The following RUNX1T1 variants were observed in gnomAD, a reference collection of about 807,000 sequenced individuals.
The protein encoded by RUNX1T1 is RUNX1 partner transcriptional co-repressor 1.
Under a neutral mutation model 62.8 loss-of-function variants are expected in RUNX1T1, and 4 were observed. That is an observed-to-expected ratio of 0.06 (90% confidence interval 0.03 to 0.15). The LOEUF is 0.15. Among genes scored for constraint, RUNX1T1 ranks in the 10% least tolerant of loss-of-function variants. RUNX1T1 has a pLI of 1.00. For synonymous variants in RUNX1T1, 291 were observed against 286.0 expected (o/e 1.02, Z -0.18); for missense variants, 508 against 754.3 (o/e 0.67, Z 3.82).
At chr8:92,097,078 G>A (rs1837808745) in intron 1 of RUNX1T1, among the ~76,000 whole-genome samples, 1 of 152,128 alleles carries the variant, frequency 6.6e-6, no homozygotes, top group South Asian at 2.1e-4. Flanking sequence ...GCATAGGTGG[G>A]GGAAGGGCAT....
At chr8:92,014,282 T>TAC (rs34477770) in intron 3 of RUNX1T1, among the ~76,000 whole-genome samples, 43,772 of 149,420 alleles carry the variant, frequency 0.29, 6,979 homozygotes, top group African/African-American at 0.45. Flanking sequence ...CACGTGCACA[T>TAC]ACACACACAC....
chr8:91,982,284 A>G (rs985871856), intron 8 of RUNX1T1, among the ~76,000 whole-genome samples: 28 of 151,922 alleles, frequency 1.8e-4, no homozygotes, highest in Admixed American at 1.6e-3. Flanking sequence ...GAAGACTTCT[A>G]GAAAACAAAA....
At position 91,991,895 on chromosome 8, in the gene RUNX1T1, G is replaced by C; in HGVS notation, c.660-6C>G. The C allele has an allele frequency of 1.9e-6, 3 of 1,613,616 alleles. No homozygotes were observed. Among genetic ancestry groups the C allele is most frequent in the Non-Finnish European group, 2.5e-6 (3 of 1,179,688 alleles). ...CAAAGCCATTTTCTTTGGTTCTAAA[G>C]GGGGAAAAAACAAGAGTTTGTTTCA... On this transcript the variant is annotated splice_polypyrimidine_tract_variant and splice_region_variant and intron_variant, in intron 5 of 10. Transcript: ENST00000396218.
chr8:92,076,082 T>C, exon 2 of RUNX1T1: 1 of 1,602,762 alleles, frequency 6.2e-7, no homozygotes, highest in Non-Finnish European at 8.5e-7. Flanking sequence ...TAATTTCCTC[T>C]CTCCTTTTCT....
At chr8:92,045,938 AG>A (rs1343705311) in intron 1 of RUNX1T1, among the ~76,000 whole-genome samples, 1 of 152,160 alleles carries the variant, frequency 6.6e-6, no homozygotes, top group Non-Finnish European at 1.5e-5. Context: ...TATTTTTTTC[AG>A]GTACTTTTAG....
intron 9 of RUNX1T1, 134 bp downstream of exon 10, chr8:91,975,768 GTTT>G (rs538757483): frequency 1.1e-5 from 7 of 627,556 alleles, no homozygotes; most frequent in African/African-American, 1.8e-5. Context: ...TTGTTTAGTG[GTTT>G]TTTTTGTTTT....
chr8:91,963,492 A>G (rs140224096), intron 10 of RUNX1T1, among the ~76,000 whole-genome samples: 1 of 152,324 alleles, frequency 6.6e-6, no homozygotes, highest in East Asian at 1.9e-4. Context: ...AGCAATTTCT[A>G]TTAATATATT....
chr8:92,100,053 T>G (rs1716093428), upstream of RUNX1T1, among the ~76,000 whole-genome samples: 1 of 152,180 alleles, frequency 6.6e-6, no homozygotes, highest in African/African-American at 2.4e-5. Flanking sequence ...AAGAAAATTG[T>G]GCAAATATTA....
intron 4 of RUNX1T1, among the ~76,000 whole-genome samples, chr8:92,007,967 C>CAAAAAAAAAAAA (rs34232877): frequency 1.2e-5 from 1 of 85,402 alleles, no homozygotes; most frequent in African/African-American, 3.8e-5. Flanking sequence ...GACTTTGTTT[C>CAAAAAAAAAAAA]AAAAAAAAAA....
At chr8:92,095,162 T>C in intron 1 of RUNX1T1, 1 of 1,535,362 alleles carries the variant, frequency 6.5e-7, no homozygotes, top group Non-Finnish European at 8.7e-7. Context: ...ATGTAAATTC[T>C]CTCCGCCAGC....
At chr8:92,009,720 C>G (rs1014611736) in intron 4 of RUNX1T1, 1 of 151,606 alleles carries the variant, frequency 6.6e-6, no homozygotes, top group African/African-American at 2.4e-5. Flanking sequence ...CTAGTCTCAA[C>G]AAACTTGTTC....
chr8:92,017,581 A>T, intron 1 of RUNX1T1: 1 of 1,426,970 alleles, frequency 7.0e-7, no homozygotes, highest in Non-Finnish European at 9.1e-7. Context: ...TAACTAGGTT[A>T]TATTATATCC....
intron 5 of RUNX1T1, among the ~76,000 whole-genome samples, chr8:91,995,537 TG>T (rs1447121705): frequency 6.6e-6 from 1 of 152,186 alleles, no homozygotes; most frequent in Non-Finnish European, 1.5e-5. Flanking sequence ...CCTGTAGTCC[TG>T]GCACTTTGGA....
intron 4 of RUNX1T1, among the ~76,000 whole-genome samples, chr8:92,008,592 A>G (rs886248306): frequency 2.0e-4 from 31 of 152,114 alleles, no homozygotes; most frequent in South Asian, 4.1e-4. Flanking sequence ...GCTCAGAGAG[A>G]CAAATTCCTG....
upstream of RUNX1T1, among the ~76,000 whole-genome samples, chr8:92,065,102 G>C (rs936466236): frequency 6.6e-6 from 1 of 152,084 alleles, no homozygotes; most frequent in African/African-American, 2.4e-5. Context: ...CCATTTGGCA[G>C]TTCTCCCTGA....
chr8:91,993,608 T>C (rs903912818), intron 5 of RUNX1T1, among the ~76,000 whole-genome samples: 5 of 152,210 alleles, frequency 3.3e-5, no homozygotes, highest in African/African-American at 1.2e-4. Context: ...ATCTAATTTA[T>C]ACTTTACCCT....
At chr8:91,990,073 A>G (rs575766515) in intron 6 of RUNX1T1, among the ~76,000 whole-genome samples, 1 of 151,986 alleles carries the variant, frequency 6.6e-6, no homozygotes, top group Non-Finnish European at 1.5e-5. Context: ...TGGGTGTAGA[A>G]AGGTAAAAAA....
chr8:91,987,782 T>G (rs1041666554), intron 6 of RUNX1T1, among the ~76,000 whole-genome samples: 11 of 152,156 alleles, frequency 7.2e-5, no homozygotes, highest in Admixed American at 3.9e-4. Context: ...GCTGAAAGGC[T>G]CCGAACAGAG....
At chr8:92,045,597 C>T (rs1197096457) in intron 1 of RUNX1T1, among the ~76,000 whole-genome samples, 2 of 152,182 alleles carry the variant, frequency 1.3e-5, no homozygotes, top group African/African-American at 2.4e-5. Context: ...GAATTTCAAT[C>T]ATGGACTTCA....
Sources: allele counts gnomAD v4.1 joint callset (sites outside exome capture counted in the v4.1 genomes callset), GRCh38; gene constraint gnomAD v4.1.1; transcripts MANE v1.5; gene names NCBI Gene and HGNC (gene_info 2026-07-23, HGNC 2026-07-21).